EML4: variants seen among roughly 807,000 people sequenced by gnomAD.
EML4 encodes the protein EMAP like 4.
A neutral mutation model predicts 129.0 loss-of-function variants in EML4; 72 were observed. That is an observed-to-expected ratio of 0.56 (90% CI 0.46 to 0.68). The LOEUF is 0.68. EML4 is among the 30% of genes least tolerant of loss of function. The pLI, the probability that EML4 is intolerant of heterozygous loss-of-function variation, is 0.00. For missense variants in EML4, 1,363 were observed against 1,190.6 expected, an observed-to-expected ratio of 1.14 and a Z score of -2.13; for synonymous variants, 532 against 405.0, an observed-to-expected ratio of 1.31 and a Z score of -3.77.
At chr2:42,321,619 G>A (rs1298526134) in intron 19 of EML4, among the ~76,000 whole-genome samples, 1 of 152,062 alleles carries the variant, frequency 6.6e-6, no homozygotes, top group Non-Finnish European at 1.5e-5. Context: ...AGTTCTCAGA[G>A]TTTTCCTGGA....
chr2:42,258,038 C>T (rs1665453659), intron 3 of EML4, among the ~76,000 whole-genome samples: 1 of 152,128 alleles, frequency 6.6e-6, no homozygotes, highest in Non-Finnish European at 1.5e-5. Flanking sequence ...GGTTCAGATT[C>T]AGCCCATTTT....
intron 1 of EML4, among the ~76,000 whole-genome samples, chr2:42,217,443 C>T (rs1230866361): frequency 6.6e-6 from 1 of 152,084 alleles, no homozygotes. Flanking sequence ...AGATTCAGTA[C>T]ATTTCTTGTT....
rs576921312 is a variant in EML4 at position 42,254,597 on chromosome 2, A to T, written c.209-1904A>T. On this transcript the variant is annotated intron_variant, in intron 2 of 22. Transcript: ENST00000318522. The stretch of plus-strand genomic sequence containing the variant: ...TCAGTGAAACCAAAACTTATGAGGT[A>T]ACACTTAATACCCTCTTGAGTTTTT... 8.7e-5 allele frequency among the ~76,000 whole-genome samples: 13 copies of T among 148,574 alleles called. No individual in the cohort carries two copies. In the South Asian group the frequency reaches 2.8e-3, roughly 32 times the overall value.
chr2:42,169,532 C>T lies in EML4; in HGVS notation c.-80C>T. ...CGACCTAGAGAACGAGCGGGTCAGG[C>T]TCAGCGTCGGCCACTCTGTCGGTCC... On this transcript the variant is annotated 5_prime_UTR_variant, in exon 1 of 23. Coordinates refer to ENST00000318522, the MANE Select transcript of EML4 (RefSeq NM_019063.5). 6.6e-7 allele frequency: 1 copy of T among 1,516,274 alleles called. No homozygotes were observed. The highest frequency in any genetic ancestry group is 1.2e-5 in the South Asian group (1 of 83,620). The allele number at this position is 1,516,274 out of a possible 1,614,324, so 93.9% of individuals were successfully genotyped here.
At chr2:42,280,715 C>T (rs937160025) in intron 6 of EML4, 135 bp from the exon 7 acceptor site, 7 of 654,562 alleles carry the variant, frequency 1.1e-5, no homozygotes, top group Non-Finnish European at 1.8e-5. Context: ...ATAACAAAAA[C>T]AATTGTATAT....
At chr2:42,214,258 T>G (rs535709875) in intron 1 of EML4, among the ~76,000 whole-genome samples, 1 of 152,236 alleles carries the variant, frequency 6.6e-6, no homozygotes, top group African/African-American at 2.4e-5. Context: ...TTTACTCATA[T>G]GAATATCATC....
intron 19 of EML4, among the ~76,000 whole-genome samples, chr2:42,323,992 G>C (rs1001921488): frequency 6.9e-6 from 1 of 145,796 alleles, no homozygotes; most frequent in African/African-American, 2.5e-5. Context: ...AGGAAGAAAA[G>C]AATAGGTGAA....
intron 1 of EML4, among the ~76,000 whole-genome samples, chr2:42,194,719 C>T: frequency 6.6e-6 from 1 of 151,804 alleles, no homozygotes; most frequent in East Asian, 1.9e-4. Context: ...ACCATGTTGC[C>T]CAGTCTGGTC....
rs148784599 is a variant in EML4 at position 42,194,685 on chromosome 2, A to G, written c.25+25049A>G. On this transcript the variant is annotated intron_variant, in intron 1 of 22. Transcript: ENST00000318522. ...ACCACCATGTCTAGCTTATTTTTGTATTTTTTGTAGAGACGGTATTTTTAC... is the reference window on the plus strand; with the variant it reads ...ACCACCATGTCTAGCTTATTTTTGTGTTTTTTGTAGAGACGGTATTTTTAC... Among the ~76,000 whole-genome samples the G allele has an allele frequency of 4.1e-3, 618 of 151,358 alleles. 6 individuals are homozygous for G. Among genetic ancestry groups the G allele is most frequent in the African/African-American group, 0.014 (588 of 41,208 alleles).
At chr2:42,282,658 G>C (rs1328823104) in intron 7 of EML4, among the ~76,000 whole-genome samples, 165 bp from the exon 8 acceptor site, 1 of 152,132 alleles carries the variant, frequency 6.6e-6, no homozygotes, top group Non-Finnish European at 1.5e-5. Flanking sequence ...CTCCTGAAGG[G>C]CTAGGATTAC....
At chr2:42,221,994 A>G (rs974425231) in intron 1 of EML4, among the ~76,000 whole-genome samples, 5 of 152,012 alleles carry the variant, frequency 3.3e-5, no homozygotes, top group Admixed American at 2.0e-4. Flanking sequence ...CCTGGTCCCA[A>G]CGTGCTGGGA....
chr2:42,298,167 C>T (rs185626242), intron 13 of EML4, among the ~76,000 whole-genome samples: 3 of 152,286 alleles, frequency 2.0e-5, no homozygotes, highest in East Asian at 1.9e-4. Flanking sequence ...ATGTGTTCTC[C>T]GAATAATCAA....
At chr2:42,270,152 A>G (rs1037554810) in intron 6 of EML4, among the ~76,000 whole-genome samples, 3 of 152,196 alleles carry the variant, frequency 2.0e-5, no homozygotes, top group African/African-American at 7.2e-5. Context: ...AGATATCACT[A>G]AGGTCTTTTT....
In EML4 at chr2:42,209,264, A is replaced by G. The variant is rs201207345; in HGVS notation, c.26-36241A>G. ...TTTCTGGTTTTTTTCCTTTTATACA[A>G]ATACCACAAAGCAGAAGTGTACTTT... On this transcript the variant is annotated intron_variant, in intron 1 of 22. Transcript: ENST00000318522. Among the ~76,000 whole-genome samples the G allele has an allele frequency of 2.4e-4, 36 of 152,262 alleles. 1 individual carries two copies. Among genetic ancestry groups the G allele is most frequent in the Middle Eastern group, 3.4e-3 (1 of 294 alleles).
Position 42,225,292 on chromosome 2 carries a change from A to T in EML4, c.26-20213A>T, listed in dbSNP as rs545498858. 3.3e-5 allele frequency among the ~76,000 whole-genome samples: 5 copies of T among 152,252 alleles called. No homozygotes were observed. The South Asian group carries it at 8.3e-4, about 25-fold the overall frequency. On this transcript the variant is annotated intron_variant, in intron 1 of 22. Coordinates refer to ENST00000318522, the MANE Select transcript of EML4 (RefSeq NM_019063.5). The stretch of plus-strand genomic sequence containing the variant: ...TCTGTAAGTGGAGTTGCTTTGTCAT[A>T]TGGTAATCCTGTTTAATTTTTTGAG...
chr2:42,228,119 G>A (rs1251417952), intron 1 of EML4, among the ~76,000 whole-genome samples: 1 of 152,048 alleles, frequency 6.6e-6, no homozygotes, highest in Non-Finnish European at 1.5e-5. Context: ...TACTCAGGAG[G>A]CTGAGGTATG....
chr2:42,210,488 A>G (rs182061491), intron 1 of EML4, among the ~76,000 whole-genome samples: 2 of 152,294 alleles, frequency 1.3e-5, no homozygotes, highest in Non-Finnish European at 2.9e-5. Context: ...CCTTTGTAAA[A>G]TTACTTTTCC....
At chr2:42,213,582 C>T (rs539387275) in intron 1 of EML4, among the ~76,000 whole-genome samples, 2 of 152,308 alleles carry the variant, frequency 1.3e-5, no homozygotes, top group East Asian at 3.9e-4. Flanking sequence ...GTACTATTTA[C>T]ATAAGCATTC....
intron 1 of EML4, among the ~76,000 whole-genome samples, chr2:42,239,233 T>G (rs982333490): frequency 6.6e-6 from 1 of 152,216 alleles, no homozygotes; most frequent in Non-Finnish European, 1.5e-5. Flanking sequence ...TTTAGAAAGA[T>G]ATAAAATCGG....
Sources: gnomAD v4.1 joint callset for allele counts (sites outside exome capture counted in the v4.1 genomes callset) on GRCh38, gnomAD v4.1.1 for gene constraint, MANE v1.5 for transcripts, NCBI Gene and HGNC (gene_info 2026-07-23, HGNC 2026-07-21) for gene names.